The following PRKCA variants were observed in gnomAD, a reference collection of about 807,000 sequenced individuals.
PRKCA encodes the protein protein kinase C alpha, also known as protein kinase C alpha type.
A neutral mutation model predicts 87.0 loss-of-function variants in PRKCA; 27 were observed. The ratio of observed to expected loss-of-function variants is 0.31; its 90% CI spans 0.23 to 0.43. The LOEUF (loss-of-function observed/expected upper bound fraction) is 0.43. Among genes scored for constraint, PRKCA ranks in the 20% least tolerant of loss-of-function variants. PRKCA has a pLI of 1.00. For synonymous variants in PRKCA, 329 were observed against 311.1 expected (o/e 1.06, Z -0.61); for missense variants, 518 against 852.3 (o/e 0.61, Z 4.88).
intron 8 of PRKCA, among the ~76,000 whole-genome samples, chr17:66,701,561 G>A (rs943952508): frequency 1.3e-5 from 2 of 152,036 alleles, no homozygotes; most frequent in Non-Finnish European, 2.9e-5. Context: ...TATCCAATAA[G>A]GGTTTAATAT....
chr17:66,492,092 G>C (rs1916271183), intron 2 of PRKCA, among the ~76,000 whole-genome samples: 2 of 152,334 alleles, frequency 1.3e-5, no homozygotes, highest in South Asian at 4.1e-4. Context: ...AGTAGGCTTA[G>C]AGGGCTCTTT....
chr17:66,642,370 C>T (rs1971322843), intron 4 of PRKCA, among the ~76,000 whole-genome samples: 1 of 152,102 alleles, frequency 6.6e-6, no homozygotes, highest in African/African-American at 2.4e-5. Flanking sequence ...ACCTCGTGAT[C>T]CGCCCGCCTC....
At chr17:66,482,374 C>T (rs1384204751) in intron 2 of PRKCA, among the ~76,000 whole-genome samples, 1 of 152,174 alleles carries the variant, frequency 6.6e-6, no homozygotes, top group Non-Finnish European at 1.5e-5. Context: ...ACTCGCTGCT[C>T]ACCCCTTCCA....
intron 14 of PRKCA, among the ~76,000 whole-genome samples, chr17:66,784,796 CCCCTGATGGCACAGGTAGCTGT>C (rs1398432020): frequency 1.3e-5 from 2 of 152,162 alleles, no homozygotes; most frequent in Non-Finnish European, 2.9e-5. Context: ...GCCACACGTC[CCCCTGATGGCACAGGTAGCTGT>C]CCCTGCTGAC....
In PRKCA at chr17:66,469,787, C is replaced by T. The variant is rs116170146; in HGVS notation, c.206-26414C>T. Among the ~76,000 whole-genome samples, 1,320 of 152,206 alleles carry T rather than the reference C, an allele frequency of 8.7e-3. 17 individuals are homozygous for T. The highest frequency in any genetic ancestry group is 0.031 in the African/African-American group (1,274 of 41,510). ...ATCAATTGGGTTAAGTCTCCCAGCC[C>T]CTAAGTGGGGGTATTTATGTTTTTT... On this transcript the variant is annotated intron_variant, in intron 2 of 16. Coordinates refer to ENST00000413366, the MANE Select transcript of PRKCA (RefSeq NM_002737.3).
intron 8 of PRKCA, among the ~76,000 whole-genome samples, chr17:66,716,171 A>G (rs1183270166): frequency 6.6e-6 from 1 of 151,432 alleles, no homozygotes; most frequent in East Asian, 1.9e-4. Flanking sequence ...TTTTAGCACC[A>G]GAGAATTACC....
At chr17:66,415,494 T>C (rs997059121) in intron 2 of PRKCA, 5 of 152,148 alleles carry the variant, frequency 3.3e-5, no homozygotes, top group African/African-American at 1.2e-4. Flanking sequence ...GCCCTGGAAG[T>C]CCTGAGCTAT....
intron 3 of PRKCA, among the ~76,000 whole-genome samples, chr17:66,614,776 C>CT (rs1338589645): frequency 6.6e-6 from 1 of 152,150 alleles, no homozygotes; most frequent in Non-Finnish European, 1.5e-5. Context: ...AATTCTTATT[C>CT]TTTTTGTGCT....
intron 3 of PRKCA, among the ~76,000 whole-genome samples, chr17:66,638,779 C>A: frequency 6.6e-6 from 1 of 151,664 alleles, no homozygotes; most frequent in East Asian, 1.9e-4. Context: ...ACCTGGGAGG[C>A]AGAGCTTGCA....
intron 2 of PRKCA, among the ~76,000 whole-genome samples, chr17:66,424,567 A>AC (rs879535311): frequency 8.6e-6 from 1 of 116,890 alleles, no homozygotes; most frequent in Non-Finnish European, 1.7e-5. Context: ...ACCCTGTCTC[A>AC]AACACACACA....
intron 14 of PRKCA, among the ~76,000 whole-genome samples, chr17:66,780,271 G>A (rs555039774): frequency 5.3e-5 from 8 of 152,248 alleles, no homozygotes; most frequent in African/African-American, 1.7e-4. Flanking sequence ...TCCTGATGAC[G>A]CATCACCTCA....
chr17:66,733,021 G>A (rs942141047), intron 9 of PRKCA, among the ~76,000 whole-genome samples, 196 bp downstream of exon 9: 3 of 151,934 alleles, frequency 2.0e-5, no homozygotes, highest in Non-Finnish European at 4.4e-5. Flanking sequence ...CATGGTGGTG[G>A]GCGCCTGTAG....
intron 2 of PRKCA, among the ~76,000 whole-genome samples, chr17:66,417,515 G>T (rs1912225817): frequency 6.6e-6 from 1 of 151,966 alleles, no homozygotes; most frequent in South Asian, 2.1e-4. Flanking sequence ...GTAGAGACTT[G>T]CATTCTCTCT....
intron 3 of PRKCA, among the ~76,000 whole-genome samples, chr17:66,540,300 G>T (rs1967938213): frequency 6.6e-6 from 1 of 152,230 alleles, no homozygotes; most frequent in African/African-American, 2.4e-5. Flanking sequence ...ATTCAGCACA[G>T]AGCCCAGCGG....
chr17:66,495,562 A>ATTTTATTTTTTTTTAT (rs1567858259), intron 2 of PRKCA, among the ~76,000 whole-genome samples: 1 of 146,826 alleles, frequency 6.8e-6, no homozygotes, highest in African/African-American at 2.7e-5. Context: ...ATTTTATTTT[A>ATTTTATTTTTTTTTAT]TTTTTTGAGA....
intron 3 of PRKCA, among the ~76,000 whole-genome samples, chr17:66,556,321 TTC>T (rs1398707715): frequency 4.5e-5 from 5 of 110,554 alleles, no homozygotes; most frequent in African/African-American, 8.9e-5. Context: ...TTCTTTCTTC[TTC>T]TTTTTTTTTT....
intron 2 of PRKCA, 74 bp downstream of exon 2, chr17:66,306,201 G>A: frequency 7.1e-7 from 1 of 1,404,716 alleles, no homozygotes; most frequent in Non-Finnish European, 9.9e-7. Context: ...ATTATTTCCA[G>A]TCATATTTTC....
intron 2 of PRKCA, among the ~76,000 whole-genome samples, chr17:66,477,959 C>T (rs2319531): frequency 2.1e-4 from 20 of 94,382 alleles, no homozygotes; most frequent in Admixed American, 2.1e-3. Flanking sequence ...CTTAGTTGTT[C>T]CCTCTCTAAA....
chr17:66,311,970 T>G (rs980905255), intron 2 of PRKCA, among the ~76,000 whole-genome samples: 8 of 152,154 alleles, frequency 5.3e-5, no homozygotes, highest in Non-Finnish European at 1.2e-4. Context: ...TGTTTGAGTT[T>G]CCTTTTCTTT....
Sources: gnomAD v4.1 joint callset for allele counts (sites outside exome capture counted in the v4.1 genomes callset) on GRCh38, gnomAD v4.1.1 for gene constraint, MANE v1.5 for transcripts, NCBI Gene and HGNC (gene_info 2026-07-23, HGNC 2026-07-21) for gene names.